Variants in SAXO1 observed in about 807,000 individuals in gnomAD.
SAXO1 encodes 4930500O09Rik.
Under a neutral mutation model 17.5 loss-of-function variants are expected in SAXO1, and 21 were observed. The ratio of observed to expected loss-of-function variants is 1.20; its 90% CI spans 0.85 to 1.72. The LOEUF (loss-of-function observed/expected upper bound fraction) is 1.72. SAXO1 is among the 40% of genes most tolerant of loss of function. The pLI, the probability that SAXO1 is intolerant of heterozygous loss-of-function variation, is 0.00. For synonymous variants in SAXO1, 274 were observed against 216.5 expected (o/e 1.27, Z -2.33); for missense variants, 843 against 596.0 (o/e 1.41, Z -4.32).
intron 1 of SAXO1, among the ~76,000 whole-genome samples, chr9:19,002,134 T>C (rs184535328): frequency 2.7e-4 from 41 of 152,142 alleles, no homozygotes; most frequent in Non-Finnish European, 4.9e-4. Context: ...ACAAATAAAC[T>C]ATAAAGTCTG....
At chr9:19,000,610 G>T (rs1488760680) in intron 1 of SAXO1, among the ~76,000 whole-genome samples, 1 of 152,204 alleles carries the variant, frequency 6.6e-6, no homozygotes, top group Non-Finnish European at 1.5e-5. Flanking sequence ...CCCAGCCACT[G>T]TGCAACCCTC....
At chr9:19,037,570 C>T (rs1169507600), upstream of SAXO1, among the ~76,000 whole-genome samples, 1 of 152,128 alleles carries the variant, frequency 6.6e-6, no homozygotes, top group Non-Finnish European at 1.5e-5. Flanking sequence ...TCTCTTGCTG[C>T]TGCCATGTAA....
chr9:19,027,215 CA>C, intron 1 of SAXO1: 1 of 1,193,380 alleles, frequency 8.4e-7, no homozygotes, highest in Non-Finnish European at 1.3e-6. Context: ...GTGCTGTGAT[CA>C]AAACCTCTAC....
chr9:18,928,251 G>A lies in SAXO1; in HGVS notation c.1226C>T (p.Thr409Ile). The A allele has an allele frequency of 1.2e-6, 2 of 1,613,602 alleles. No individual in the cohort carries two copies. Among genetic ancestry groups the A allele is most frequent in the Non-Finnish European group, 1.7e-6 (2 of 1,179,602 alleles). Reference sequence around the variant, plus strand: ...CATTTCCTTGGGAGTAAAGCTGATGGTGTAGGTGGTCTGGCTTTCCACAGG... The same window carrying A: ...CATTTCCTTGGGAGTAAAGCTGATGATGTAGGTGGTCTGGCTTTCCACAGG... Reference protein sequence around the residue: ...NVPVESQTTYTISFTPKEMGR... With the variant: ...NVPVESQTTYIISFTPKEMGR... The change falls in exon 4 of 4, where the codon ACC becomes ATC. Residue 409 changes from threonine to isoleucine, a missense_variant. Coordinates refer to ENST00000380534, the MANE Select transcript of SAXO1 (RefSeq NM_153707.4).
chr9:18,928,469 G>A lies in SAXO1; in HGVS notation c.1008C>T (p.Gly336=). The A allele has an allele frequency of 6.2e-7, 1 of 1,612,820 alleles. No individual in the cohort carries two copies. The highest frequency in any genetic ancestry group is 8.5e-7 in the Non-Finnish European group (1 of 1,179,382). ...LQIKKCGRFE[G]SSTTKDDYKQ... is the part of the protein sequence containing the mutation. Reference sequence around the variant, plus strand: ...TGTAGTCATCCTTGGTGGTGGAAGAGCCTTCAAAGCGACCGCACTTCTTAA... The same window carrying A: ...TGTAGTCATCCTTGGTGGTGGAAGAACCTTCAAAGCGACCGCACTTCTTAA... The change falls in exon 4 of 4, where the codon GGC becomes GGT. Residue 336 remains glycine (G), a synonymous_variant. Coordinates refer to ENST00000380534, the MANE Select transcript of SAXO1 (RefSeq NM_153707.4).
intron 1 of SAXO1, among the ~76,000 whole-genome samples, chr9:18,976,776 C>A (rs1833170391): frequency 6.6e-6 from 1 of 152,174 alleles, no homozygotes; most frequent in Admixed American, 6.5e-5. Context: ...AAAGTCATGG[C>A]TCCAAAAACA....
At chr9:18,984,659 G>A (rs1179118687) in intron 1 of SAXO1, among the ~76,000 whole-genome samples, 5 of 152,158 alleles carry the variant, frequency 3.3e-5, no homozygotes, top group African/African-American at 1.2e-4. Flanking sequence ...AAAGAGTTAG[G>A]GCCTTGCTCT....
chr9:19,018,085 T>C (rs1288282798), intron 1 of SAXO1, among the ~76,000 whole-genome samples: 6 of 151,912 alleles, frequency 3.9e-5, no homozygotes, highest in Admixed American at 3.9e-4. Context: ...GGAGGATCAC[T>C]TGAGTCTGAG....
chr9:18,936,527 A>C (rs1056065915), intron 3 of SAXO1, among the ~76,000 whole-genome samples: 2 of 152,184 alleles, frequency 1.3e-5, no homozygotes, highest in Non-Finnish European at 2.9e-5. Flanking sequence ...AAGTTGCCTC[A>C]TGTGATTTCT....
At chr9:19,028,200 TAAAAC>T (rs1221346064) in intron 1 of SAXO1, 1 of 1,148,744 alleles carries the variant, frequency 8.7e-7, no homozygotes, top group Non-Finnish European at 1.3e-6. Context: ...AGAGGCAAAA[TAAAAC>T]AAAACAAAAA....
At chr9:19,041,162 A>G (rs1254765104) in intron 1 of SAXO1, among the ~76,000 whole-genome samples, 1 of 67,730 alleles carries the variant, frequency 1.5e-5, no homozygotes, top group East Asian at 3.0e-4. Flanking sequence ...GAACAATCTG[A>G]AAAAAAAAAA....
intron 1 of SAXO1, among the ~76,000 whole-genome samples, chr9:19,000,389 G>A (rs938455700): frequency 3.3e-5 from 5 of 150,018 alleles, no homozygotes; most frequent in Non-Finnish European, 7.4e-5. Flanking sequence ...ACTGGGAAGT[G>A]AGGAGCGCCT....
intron 1 of SAXO1, among the ~76,000 whole-genome samples, chr9:18,971,826 G>A (rs930782175): frequency 4.6e-5 from 7 of 151,926 alleles, no homozygotes; most frequent in African/African-American, 1.5e-4. Flanking sequence ...ATTCTCACTG[G>A]AAATTAAAAT....
intron 1 of SAXO1, among the ~76,000 whole-genome samples, chr9:19,018,884 T>A (rs1345253231): frequency 1.3e-5 from 2 of 152,030 alleles, no homozygotes; most frequent in African/African-American, 2.4e-5. Context: ...CTGAGGCTGG[T>A]GGATCACCTG....
At chr9:18,973,983 T>C (rs2131802393) in intron 1 of SAXO1, among the ~76,000 whole-genome samples, 1 of 152,336 alleles carries the variant, frequency 6.6e-6, no homozygotes, top group East Asian at 1.9e-4. Context: ...GGAACTGATC[T>C]ATCATGTCCC....
At chr9:18,931,861 A>C (rs1434059064) in intron 3 of SAXO1, among the ~76,000 whole-genome samples, 2 of 152,126 alleles carry the variant, frequency 1.3e-5, no homozygotes, top group Non-Finnish European at 2.9e-5. Flanking sequence ...TTAAAATTAG[A>C]TTGTCTTCTT....
At chr9:19,038,086 T>A (rs1009999072), upstream of SAXO1, among the ~76,000 whole-genome samples, 1 of 152,128 alleles carries the variant, frequency 6.6e-6, no homozygotes, top group Non-Finnish European at 1.5e-5. Flanking sequence ...AGAATGGCAA[T>A]CATTAAAAAG....
At chr9:18,994,578 G>C (rs757321624) in intron 1 of SAXO1, among the ~76,000 whole-genome samples, 10 of 152,174 alleles carry the variant, frequency 6.6e-5, no homozygotes, top group Non-Finnish European at 1.3e-4. Flanking sequence ...GCTTCCGGCA[G>C]GGAAGTATGT....
upstream of SAXO1, among the ~76,000 whole-genome samples, chr9:19,037,105 T>G (rs1835961989): frequency 6.6e-6 from 1 of 152,256 alleles, no homozygotes; most frequent in African/African-American, 2.4e-5. Flanking sequence ...CCCTTTGTTT[T>G]GCCCAATTTC....
Sources: gnomAD v4.1 joint callset for allele counts (sites outside exome capture counted in the v4.1 genomes callset) on GRCh38, gnomAD v4.1.1 for gene constraint, MANE v1.5 for transcripts, NCBI Gene and HGNC (gene_info 2026-07-23, HGNC 2026-07-21) for gene names.